The following CLASP2 variants were observed in gnomAD, a reference collection of about 807,000 sequenced individuals.
The protein encoded by CLASP2 is cytoplasmic linker associated protein 2, also known as CLIP-associating protein 2.
CLASP2 carries 47 observed loss-of-function variants against 194.4 expected under a neutral mutation model. The ratio of observed to expected loss-of-function variants is 0.24; its 90% CI spans 0.19 to 0.31. The LOEUF (loss-of-function observed/expected upper bound fraction) is 0.31, where lower values mean the gene tolerates loss of function less well. Among genes scored for constraint, CLASP2 ranks in the 10% least tolerant of loss-of-function variants. The pLI is 1.00. For synonymous variants in CLASP2, 619 were observed against 633.5 expected (o/e 0.98, Z 0.34); for missense variants, 1,445 against 1,823.6 (o/e 0.79, Z 3.78).
At chr3:33,516,221 T>C in intron 35 of CLASP2, 70 bp from the exon 36 acceptor site, 1 of 1,445,750 alleles carries the variant, frequency 6.9e-7, no homozygotes, top group Non-Finnish European at 9.2e-7. Flanking sequence ...TCAATTTTTG[T>C]AACTTAAGGG....
intron 25 of CLASP2, among the ~76,000 whole-genome samples, chr3:33,571,746 T>C (rs2063820423): frequency 6.6e-6 from 1 of 151,966 alleles, no homozygotes; most frequent in Non-Finnish European, 1.5e-5. Context: ...AAGGCAGCAG[T>C]GAACAATGAT....
intron 1 of CLASP2, among the ~76,000 whole-genome samples, chr3:33,717,119 T>C (rs1483510456): frequency 6.6e-6 from 1 of 152,182 alleles, no homozygotes; most frequent in East Asian, 1.9e-4. Flanking sequence ...TTTGTAACTT[T>C]TTCCCCCCCA....
At chr3:33,708,479 T>G (rs1050049621) in intron 1 of CLASP2, among the ~76,000 whole-genome samples, 30 of 54,876 alleles carry the variant, frequency 5.5e-4, no homozygotes, top group African/African-American at 1.7e-3. Flanking sequence ...TGGGTGTGTG[T>G]GTGTGTGTAT....
intron 7 of CLASP2, among the ~76,000 whole-genome samples, chr3:33,649,613 GA>G (rs2082849106): frequency 1.3e-5 from 2 of 152,188 alleles, no homozygotes; most frequent in East Asian, 3.9e-4. Flanking sequence ...CAGTACAGTG[GA>G]ACTTCTATTC....
At chr3:33,592,739 A>G (rs2154238930) in intron 20 of CLASP2, 7 of 527,626 alleles carry the variant, frequency 1.3e-5, no homozygotes, top group South Asian at 1.3e-4. Context: ...TTCTTAGTTT[A>G]TATATTAGTC....
chr3:33,564,024 C>T (rs891679053), intron 27 of CLASP2: 1 of 425,550 alleles, frequency 2.3e-6, no homozygotes, highest in Non-Finnish European at 4.6e-6. Context: ...CAAGTCAGGG[C>T]CACTGATCTT....
intron 12 of CLASP2, among the ~76,000 whole-genome samples, chr3:33,616,251 A>G (rs1316224423): frequency 6.6e-6 from 1 of 152,178 alleles, no homozygotes; most frequent in East Asian, 1.9e-4. Context: ...GAGGATTGCC[A>G]ACATTTCAAA....
At chr3:33,566,773 GAAA>G (rs774271406) in intron 26 of CLASP2, 39 bp from the exon 27 acceptor site, 8 of 416,884 alleles carry the variant, frequency 1.9e-5, no homozygotes, top group African/African-American at 1.1e-4. Context: ...CATGCAAAAA[GAAA>G]AAAAGAAAAA....
chr3:33,597,374 C>T (rs1363347894), intron 18 of CLASP2, among the ~76,000 whole-genome samples: 1 of 152,130 alleles, frequency 6.6e-6, no homozygotes, highest in Admixed American at 6.5e-5. Context: ...TTTAACATAG[C>T]AGGACTGATA....
intron 27 of CLASP2, among the ~76,000 whole-genome samples, chr3:33,566,414 T>G (rs1157056326): frequency 6.6e-6 from 1 of 152,224 alleles, no homozygotes; most frequent in Non-Finnish European, 1.5e-5. Flanking sequence ...CCCACATATC[T>G]CATAAATATA....
At chr3:33,574,372 C>T in intron 24 of CLASP2, 3 of 706,200 alleles carry the variant, frequency 4.2e-6, no homozygotes, top group Non-Finnish European at 6.8e-6. Flanking sequence ...AAGGATTTTA[C>T]TTCTACTTTG....
Position 33,510,782 on chromosome 3 carries a change from T to C in CLASP2, c.4111-18A>G. On this transcript the variant is annotated intron_variant, in intron 36 of 38. Transcript: ENST00000682230. ...CTCACCACCTAAAAAAAATAGGAAATTAAGCCAGAAAGTAATTTTTAAAAT... is the reference window on the plus strand; with the variant it reads ...CTCACCACCTAAAAAAAATAGGAAACTAAGCCAGAAAGTAATTTTTAAAAT... 6.3e-7 allele frequency: 1 copy of C among 1,580,264 alleles called. No individual in the cohort carries two copies. The highest frequency in any genetic ancestry group is 8.6e-7 in the Non-Finnish European group (1 of 1,161,260).
chr3:33,535,522 T>C, intron 33 of CLASP2, 61 bp from the exon 34 acceptor site: 4 of 1,316,174 alleles, frequency 3.0e-6, no homozygotes, highest in Non-Finnish European at 4.2e-6. Flanking sequence ...CTATTTAACA[T>C]TCTAAAAAGA....
intron 7 of CLASP2, among the ~76,000 whole-genome samples, chr3:33,645,963 C>T (rs906532418): frequency 2.6e-5 from 4 of 150,976 alleles, no homozygotes; most frequent in African/African-American, 9.8e-5. Context: ...CACACACACA[C>T]ACACACACAC....
At chr3:33,579,537 T>C (rs1055628828) in intron 23 of CLASP2, among the ~76,000 whole-genome samples, 1 of 152,148 alleles carries the variant, frequency 6.6e-6, no homozygotes, top group African/African-American at 2.4e-5. Flanking sequence ...CACTGAAGTG[T>C]AATTTAACTG....
chr3:33,662,426 C>G (rs2085448748), intron 7 of CLASP2, among the ~76,000 whole-genome samples: 1 of 152,188 alleles, frequency 6.6e-6, no homozygotes, highest in African/African-American at 2.4e-5. Flanking sequence ...ACTTAAAACA[C>G]TTTCTATTCA....
At chr3:33,608,799 C>A (rs2074470893) in intron 13 of CLASP2, among the ~76,000 whole-genome samples, 173 bp from the exon 14 acceptor site, 1 of 127,334 alleles carries the variant, frequency 7.9e-6, no homozygotes, top group East Asian at 2.3e-4. Flanking sequence ...CTTGCCCAGG[C>A]TGGAGTGCAG....
At chr3:33,630,482 A>C (rs2078886892) in intron 9 of CLASP2, among the ~76,000 whole-genome samples, 1 of 152,220 alleles carries the variant, frequency 6.6e-6, no homozygotes, top group Admixed American at 6.5e-5. Flanking sequence ...TGAGGAGTGC[A>C]AGCACAATAA....
intron 9 of CLASP2, among the ~76,000 whole-genome samples, chr3:33,631,077 T>C (rs1272765697): frequency 6.6e-6 from 1 of 152,204 alleles, no homozygotes; most frequent in African/African-American, 2.4e-5. Context: ...AGGACAATTT[T>C]CCTTTCAGAG....
Sources: allele counts gnomAD v4.1 joint callset (sites outside exome capture counted in the v4.1 genomes callset), GRCh38; gene constraint gnomAD v4.1.1; transcripts MANE v1.5; gene names NCBI Gene and HGNC (gene_info 2026-07-23, HGNC 2026-07-21).